The following PLXDC2 variants were observed in gnomAD, a reference collection of about 807,000 sequenced individuals.
The protein encoded by PLXDC2 is plexin domain-containing protein 2.
In PLXDC2, 40 loss-of-function variants were observed where a neutral mutation model predicts 68.9. The ratio of observed to expected loss-of-function variants is 0.58; its 90% CI spans 0.45 to 0.76. The LOEUF (loss-of-function observed/expected upper bound fraction) is 0.76. PLXDC2 is among the 30% of genes least tolerant of loss of function. PLXDC2 has a pLI of 0.00. For synonymous variants in PLXDC2, 243 were observed against 234.2 expected, an observed-to-expected ratio of 1.04 and a Z score of -0.34; for missense variants, 644 against 661.9, an observed-to-expected ratio of 0.97 and a Z score of 0.30.
At chr10:20,042,764 A>G (rs75716708) in intron 2 of PLXDC2, among the ~76,000 whole-genome samples, 2,699 of 152,284 alleles carry the variant, frequency 0.018, 77 homozygotes, top group African/African-American at 0.061. Flanking sequence ...ATCGATTGCT[A>G]CAGAATGGCT....
intron 1 of PLXDC2, among the ~76,000 whole-genome samples, chr10:19,820,693 A>AT (rs368282948): frequency 4.5e-4 from 69 of 151,684 alleles, no homozygotes; most frequent in African/African-American, 1.5e-3. Flanking sequence ...TAGTTTTGTC[A>AT]TTTTTTCCTA....
At chr10:20,266,990 C>G (rs1219785747) in intron 13 of PLXDC2, among the ~76,000 whole-genome samples, 1 of 152,076 alleles carries the variant, frequency 6.6e-6, no homozygotes, top group African/African-American at 2.4e-5. Context: ...CAAACGAAGT[C>G]ATTTATAACT....
rs1290703913 is a variant in PLXDC2 at position 20,024,451 on chromosome 10, G to T, written c.325-22418G>T. Among the ~76,000 whole-genome samples the T allele has an allele frequency of 3.3e-5, 5 of 152,198 alleles. No homozygotes were observed. In the East Asian group the frequency reaches 9.7e-4, roughly 29 times the overall value. ...CAAGGAATATTTATTAACAATCTTT[G>T]GTCTCCAATTGAACATACGAATTCT... On this transcript the variant is annotated intron_variant, in intron 2 of 13. Transcript: ENST00000377252.
intron 13 of PLXDC2, among the ~76,000 whole-genome samples, chr10:20,269,608 G>A (rs1045449016): frequency 3.3e-5 from 5 of 152,104 alleles, no homozygotes; most frequent in African/African-American, 1.2e-4. Context: ...TAATATCTAT[G>A]GGCAAATATT....
intron 1 of PLXDC2, among the ~76,000 whole-genome samples, chr10:19,913,135 A>T (rs1833304431): frequency 6.6e-6 from 1 of 152,104 alleles, no homozygotes; most frequent in African/African-American, 2.4e-5. Flanking sequence ...CATGGTTTGG[A>T]TTTGTGTTCC....
At chr10:20,104,727 C>T (rs1479531966) in intron 4 of PLXDC2, among the ~76,000 whole-genome samples, 1 of 152,050 alleles carries the variant, frequency 6.6e-6, no homozygotes, top group East Asian at 1.9e-4. Context: ...ATCTCTCTTA[C>T]TTCTTGCAAT....
intron 4 of PLXDC2, among the ~76,000 whole-genome samples, chr10:20,075,603 C>T (rs1836427710): frequency 6.6e-6 from 1 of 152,110 alleles, no homozygotes; most frequent in Non-Finnish European, 1.5e-5. Context: ...GGGTGGGAAG[C>T]ATAATTGGAA....
At chr10:20,141,622 T>G (rs2131788937) in intron 4 of PLXDC2, among the ~76,000 whole-genome samples, 1 of 152,158 alleles carries the variant, frequency 6.6e-6, no homozygotes, top group South Asian at 2.1e-4. Context: ...AATGATAAAT[T>G]ATAAATGCAT....
Position 20,281,359 on chromosome 10 carries a change from C to T in PLXDC2, c.*1540C>T, listed in dbSNP as rs1225854424. 1 of 152,094 alleles carries T rather than the reference C, an allele frequency of 6.6e-6. No homozygotes were observed. Among genetic ancestry groups the T allele is most frequent in the Admixed American group, 6.6e-5 (1 of 15,246 alleles). 9.4% of individuals were successfully genotyped at this position (152,094 alleles called of 1,614,324 possible). ...GTGTACAATTTCACCAACATTCTAA[C>T]CCATGAAACTTTTACACTCTGTGCC... On this transcript the variant is annotated 3_prime_UTR_variant, in exon 14 of 14. Transcript: ENST00000377252.
chr10:20,015,888 C>T (rs1835201913), intron 2 of PLXDC2, among the ~76,000 whole-genome samples: 1 of 152,158 alleles, frequency 6.6e-6, no homozygotes, highest in South Asian at 2.1e-4. Flanking sequence ...TTCTTATTGG[C>T]AAATTTGCCC....
At chr10:20,102,316 T>C (rs1246020442) in intron 4 of PLXDC2, among the ~76,000 whole-genome samples, 4 of 152,202 alleles carry the variant, frequency 2.6e-5, no homozygotes, top group Non-Finnish European at 5.9e-5. Context: ...ACTCGGTGTT[T>C]CCTAAATTGC....
chr10:20,286,222 G>C lies in PLXDC2; in HGVS notation c.*6403G>C, dbSNP rs984364705. 2 of 152,086 alleles carry C rather than the reference G, an allele frequency of 1.3e-5. No individual in the cohort carries two copies. Among genetic ancestry groups the C allele is most frequent in the Non-Finnish European group, 2.9e-5 (2 of 68,010 alleles). The allele number at this position is 152,086 out of a possible 1,614,324, so 9.4% of individuals were successfully genotyped here. ...TAATTTCCAGCTCACTGTTGACACTGAAAGATTCTGTGTTACTTTAAACCC... is the reference window on the plus strand; with the variant it reads ...TAATTTCCAGCTCACTGTTGACACTCAAAGATTCTGTGTTACTTTAAACCC... On this transcript the variant is annotated 3_prime_UTR_variant, in exon 14 of 14. Coordinates refer to ENST00000377252, the MANE Select transcript of PLXDC2 (RefSeq NM_032812.9).
chr10:19,890,412 C>G (rs1333261257), intron 1 of PLXDC2, among the ~76,000 whole-genome samples: 1 of 152,072 alleles, frequency 6.6e-6, no homozygotes, highest in African/African-American at 2.4e-5. Context: ...TCCCTCCGCT[C>G]CCTAGTGGTC....
chr10:19,818,539 G>A (rs1190259890), intron 1 of PLXDC2, among the ~76,000 whole-genome samples: 1 of 152,190 alleles, frequency 6.6e-6, no homozygotes, highest in Non-Finnish European at 1.5e-5. Context: ...GTGTTGGGGT[G>A]TATGTGCAGG....
chr10:20,014,389 TC>T (rs1835171309), intron 2 of PLXDC2, among the ~76,000 whole-genome samples: 1 of 20,146 alleles, frequency 5.0e-5, no homozygotes, highest in Admixed American at 5.0e-4. Flanking sequence ...CTTGCTTCCT[TC>T]CTTCCTTCCT....
At chr10:20,072,138 A>G (rs1327511040) in intron 4 of PLXDC2, among the ~76,000 whole-genome samples, 1 of 151,788 alleles carries the variant, frequency 6.6e-6, no homozygotes, top group African/African-American at 2.4e-5. Flanking sequence ...CCTGAGGTCC[A>G]GAGTTTGGAT....
chr10:20,017,453 C>T (rs777510575), intron 2 of PLXDC2, among the ~76,000 whole-genome samples: 4 of 152,132 alleles, frequency 2.6e-5, no homozygotes, highest in East Asian at 1.9e-4. Flanking sequence ...CCCTGCGATG[C>T]GATCAATCTG....
At chr10:20,042,943 C>T (rs1415075035) in intron 2 of PLXDC2, among the ~76,000 whole-genome samples, 1 of 152,140 alleles carries the variant, frequency 6.6e-6, no homozygotes. Flanking sequence ...GAATTGGCAA[C>T]TAGGCATATC....
chr10:20,226,613 T>C (rs11597607), intron 12 of PLXDC2, among the ~76,000 whole-genome samples: 67,725 of 152,078 alleles, frequency 0.45, 17,338 homozygotes, highest in Middle Eastern at 0.64. Context: ...CATCAGGATA[T>C]ACTTTTTCCC....
Sources: gnomAD v4.1 joint callset for allele counts (sites outside exome capture counted in the v4.1 genomes callset) on GRCh38, gnomAD v4.1.1 for gene constraint, MANE v1.5 for transcripts, NCBI Gene and HGNC (gene_info 2026-07-23, HGNC 2026-07-21) for gene names.